SLC41A2: variants seen among roughly 807,000 people sequenced by gnomAD.
The protein encoded by SLC41A2 is solute carrier family 41 member 2, also known as SLC41A1-like 1.
SLC41A2 carries 32 observed loss-of-function variants against 58.3 expected under a neutral mutation model. The ratio of observed to expected loss-of-function variants is 0.55; its 90% CI spans 0.41 to 0.74. The LOEUF is 0.74. Among genes scored for constraint, SLC41A2 ranks in the 30% least tolerant of loss-of-function variants. SLC41A2 has a pLI of 0.00. For missense variants in SLC41A2, 514 were observed against 680.6 expected (o/e 0.76, Z 2.72); for synonymous variants, 190 against 235.0 (o/e 0.81, Z 1.75).
At chr12:104,863,929 C>T (rs2043308205) in intron 7 of SLC41A2, among the ~76,000 whole-genome samples, 1 of 151,668 alleles carries the variant, frequency 6.6e-6, no homozygotes, top group Non-Finnish European at 1.5e-5. Flanking sequence ...AAGTACCTTT[C>T]AATACAGTCA....
At chr12:104,917,002 C>T (rs1229875556) in intron 2 of SLC41A2, among the ~76,000 whole-genome samples, 1 of 150,098 alleles carries the variant, frequency 6.7e-6, no homozygotes, top group Non-Finnish European at 1.5e-5. Flanking sequence ...AGAGCTTCTG[C>T]ACAGCAAAAG....
chr12:104,898,283 T>C (rs889632974), intron 3 of SLC41A2, among the ~76,000 whole-genome samples: 4 of 152,170 alleles, frequency 2.6e-5, no homozygotes, highest in African/African-American at 9.7e-5. Flanking sequence ...TCTCTAGTTT[T>C]TATAATCCCA....
chr12:104,829,143 A>T (rs184452639), intron 10 of SLC41A2, among the ~76,000 whole-genome samples: 1 of 152,330 alleles, frequency 6.6e-6, no homozygotes, highest in East Asian at 1.9e-4. Context: ...AAATTCTACT[A>T]TAGGTATTTA....
At chr12:104,878,012 AAATTAATT>A (rs569192275) in intron 6 of SLC41A2, among the ~76,000 whole-genome samples, 6 of 151,848 alleles carry the variant, frequency 4.0e-5, no homozygotes, top group East Asian at 1.9e-4. Context: ...CTGTCTCAAA[AAATTAATT>A]AATTAATTAA....
chr12:104,878,404 C>T (rs2044172162), intron 6 of SLC41A2, among the ~76,000 whole-genome samples: 4 of 151,062 alleles, frequency 2.6e-5, no homozygotes, highest in Non-Finnish European at 4.4e-5. Flanking sequence ...TGTTGCTGTG[C>T]TGCACCCATT....
intron 6 of SLC41A2, among the ~76,000 whole-genome samples, chr12:104,879,689 G>C (rs1447287202): frequency 3.9e-5 from 6 of 152,126 alleles, no homozygotes; most frequent in Non-Finnish European, 7.4e-5. Context: ...TGCTGTTTTG[G>C]TTACTTTAGC....
chr12:104,880,489 C>A (rs867957276), intron 6 of SLC41A2, among the ~76,000 whole-genome samples: 1 of 152,154 alleles, frequency 6.6e-6, no homozygotes. Flanking sequence ...AGATATGTCC[C>A]ATCAATACCT....
chr12:104,918,643 A>AAAC (rs1555214382), intron 2 of SLC41A2, among the ~76,000 whole-genome samples: 3 of 151,512 alleles, frequency 2.0e-5, no homozygotes, highest in Admixed American at 2.0e-4. Flanking sequence ...AAAAAAAAAA[A>AAAC]AAAACTAAAA....
At chr12:104,892,326 T>C (rs201057709) in intron 4 of SLC41A2, among the ~76,000 whole-genome samples, 22 of 125,026 alleles carry the variant, frequency 1.8e-4, no homozygotes, top group African/African-American at 7.9e-4. Flanking sequence ...TAAAATAAAA[T>C]AAAATAAAAT....
At chr12:104,847,709 C>T (rs2136346144) in intron 8 of SLC41A2, among the ~76,000 whole-genome samples, 1 of 151,714 alleles carries the variant, frequency 6.6e-6, no homozygotes, top group South Asian at 2.1e-4. Context: ...ACAGAAAACA[C>T]TGTATCTCAT....
chr12:104,919,369 C>CAGTTGCTAT (rs1165343923), intron 2 of SLC41A2, among the ~76,000 whole-genome samples: 2 of 152,196 alleles, frequency 1.3e-5, no homozygotes, highest in Non-Finnish European at 2.9e-5. Context: ...CCCAGGAATG[C>CAGTTGCTAT]AGTTGCTATG....
At chr12:104,922,790 C>A (rs1179055872) in intron 2 of SLC41A2, among the ~76,000 whole-genome samples, 1 of 152,110 alleles carries the variant, frequency 6.6e-6, no homozygotes, top group Non-Finnish European at 1.5e-5. Context: ...ACAAAATATT[C>A]TCCACAAATT....
intron 6 of SLC41A2, among the ~76,000 whole-genome samples, chr12:104,868,475 C>A (rs1012106581): frequency 1.3e-5 from 2 of 152,042 alleles, no homozygotes; most frequent in African/African-American, 4.8e-5. Flanking sequence ...GAATCACTGC[C>A]CTGAATTTTC....
chr12:104,825,541 T>A (rs1015198085), intron 10 of SLC41A2, among the ~76,000 whole-genome samples: 2 of 152,344 alleles, frequency 1.3e-5, no homozygotes, highest in South Asian at 2.1e-4. Flanking sequence ...TTCTGTTTTT[T>A]CCTTTTCCAT....
intron 2 of SLC41A2, among the ~76,000 whole-genome samples, chr12:104,918,908 T>A (rs1365610651): frequency 6.6e-6 from 1 of 152,084 alleles, no homozygotes; most frequent in African/African-American, 2.4e-5. Flanking sequence ...CAGTACAATA[T>A]CACAACCAAG....
At chr12:104,844,131 C>G (rs1408299254) in intron 10 of SLC41A2, among the ~76,000 whole-genome samples, 1 of 152,170 alleles carries the variant, frequency 6.6e-6, no homozygotes, top group Non-Finnish European at 1.5e-5. Context: ...CAAAATAAAA[C>G]TAGAACCATT....
At chr12:104,821,137 A>G (rs1357363080) in intron 10 of SLC41A2, among the ~76,000 whole-genome samples, 1 of 152,176 alleles carries the variant, frequency 6.6e-6, no homozygotes, top group African/African-American at 2.4e-5. Flanking sequence ...ATGTAATTTT[A>G]TATCTGTTGA....
chr12:104,875,281 C>T lies in SLC41A2; in HGVS notation c.1028-8702G>A, dbSNP rs553502032. On this transcript the variant is annotated intron_variant, in intron 6 of 10. Transcript: ENST00000258538. ...CTATAGTTTTCATTTATTTTGTTGT[C>T]GTTGTTGTTTAGGTCATTTTTGTCT... Among the ~76,000 whole-genome samples, 9 of 152,156 alleles carry T rather than the reference C, an allele frequency of 5.9e-5. 1 individual carries two copies. Among genetic ancestry groups the T allele is most frequent in the East Asian group, 3.9e-4 (2 of 5,180 alleles).
intron 3 of SLC41A2, among the ~76,000 whole-genome samples, chr12:104,906,259 T>C (rs1011571036): frequency 3.3e-5 from 5 of 152,162 alleles, no homozygotes; most frequent in African/African-American, 4.8e-5. Flanking sequence ...TCTTAGACTA[T>C]ATGCTCCAGA....
Sources: gnomAD v4.1 joint callset for allele counts (sites outside exome capture counted in the v4.1 genomes callset) on GRCh38, gnomAD v4.1.1 for gene constraint, MANE v1.5 for transcripts, NCBI Gene and HGNC (gene_info 2026-07-23, HGNC 2026-07-21) for gene names.